GIP: variants seen among roughly 807,000 people sequenced by gnomAD.
GIP encodes the protein gastric inhibitory polypeptide.
GIP carries 16 observed loss-of-function variants against 18.1 expected under a neutral mutation model. The observed-to-expected ratio is 0.88, with a 90% confidence interval of 0.60 to 1.34. The LOEUF (loss-of-function observed/expected upper bound fraction) is 1.34, where lower values mean the gene tolerates loss of function less well. Ranked by LOEUF, GIP falls within the 40% of genes most tolerant of loss-of-function variation. The pLI, the probability that GIP is intolerant of heterozygous loss-of-function variation, is 0.00. For synonymous variants in GIP, 76 were observed against 74.0 expected, an observed-to-expected ratio of 1.03 and a Z score of -0.14; for missense variants, 192 against 183.4, an observed-to-expected ratio of 1.05 and a Z score of -0.27.
chr17:48,963,778 T>C (rs369457961), intron 3 of GIP, among the ~76,000 whole-genome samples: 10 of 114,452 alleles, frequency 8.7e-5, no homozygotes, highest in East Asian at 7.4e-4. Flanking sequence ...AGGGTGGAGG[T>C]TGTAGTGAGC....
intron 2 of GIP, among the ~76,000 whole-genome samples, chr17:48,964,847 A>T (rs1490224375): frequency 2.0e-5 from 3 of 152,174 alleles, no homozygotes; most frequent in Non-Finnish European, 4.4e-5. Flanking sequence ...TACAAAAATT[A>T]GCCAGGCGTT....
chr17:48,964,850 C>G (rs1266541969), intron 2 of GIP, among the ~76,000 whole-genome samples: 1 of 152,140 alleles, frequency 6.6e-6, no homozygotes, highest in Non-Finnish European at 1.5e-5. Flanking sequence ...AAAAATTAGC[C>G]AGGCGTTGGC....
intron 3 of GIP, among the ~76,000 whole-genome samples, 187 bp from the exon 4 acceptor site, chr17:48,962,006 G>A (rs977864118): frequency 1.2e-4 from 18 of 152,330 alleles, no homozygotes; most frequent in Non-Finnish European, 2.5e-4. Flanking sequence ...ACCAGAGAGG[G>A]CGGGGAAAGA....
At chr17:48,958,841 AT>A in intron 5 of GIP, 125 bp from the exon 6 acceptor site, 2 of 625,696 alleles carry the variant, frequency 3.2e-6, no homozygotes, top group Non-Finnish European at 5.4e-6. Context: ...AAATATTTTA[AT>A]TTTTATCAAT....
intron 2 of GIP, among the ~76,000 whole-genome samples, chr17:48,964,865 C>A (rs2041226295): frequency 6.6e-6 from 1 of 151,930 alleles, no homozygotes; most frequent in Non-Finnish European, 1.5e-5. Context: ...GTTGGCAGGG[C>A]GTGGTGGCTT....
chr17:48,965,092 T>C (rs2143851509), intron 2 of GIP, among the ~76,000 whole-genome samples: 1 of 145,602 alleles, frequency 6.9e-6, no homozygotes, highest in African/African-American at 2.6e-5. Context: ...TGAGCTGAGA[T>C]TGCGCCAGTG....
intron 2 of GIP, among the ~76,000 whole-genome samples, chr17:48,964,869 G>A (rs1344389741): frequency 6.6e-6 from 1 of 152,132 alleles, no homozygotes; most frequent in African/African-American, 2.4e-5. Context: ...GCAGGGCGTG[G>A]TGGCTTACGC....
At position 48,967,176 on chromosome 17, in the gene GIP, T is replaced by G. The variant is rs774864505; in HGVS notation, c.57A>C (p.Gly19=). Reference sequence around the variant, plus strand: ...AGTGACCCTCTTTCTTCTCTCCTAGTCCCACTGCCAGGAACAGGGACAGCA... The same window carrying G: ...AGTGACCCTCTTTCTTCTCTCCTAGGCCCACTGCCAGGAACAGGGACAGCA... ...LLLLSLFLAV[G]LGEKKEGHFS... Residue 19 remains glycine, a synonymous_variant, in exon 2 of 6, where the codon GGA becomes GGC. Transcript: ENST00000357424. 2.5e-6 allele frequency: 4 copies of G among 1,613,668 alleles called. No homozygotes were observed. The South Asian group carries it at 4.4e-5, about 18-fold the overall frequency.
intron 1 of GIP, among the ~76,000 whole-genome samples, chr17:48,967,579 C>A (rs1039480685): frequency 1.3e-5 from 2 of 150,562 alleles, no homozygotes; most frequent in Admixed American, 1.3e-4. Flanking sequence ...AGGCTGGTCT[C>A]GAACTCCTGA....
intron 2 of GIP, among the ~76,000 whole-genome samples, chr17:48,965,818 T>C (rs1043918894): frequency 1.3e-5 from 2 of 152,006 alleles, no homozygotes; most frequent in African/African-American, 4.8e-5. Context: ...TCCTATGAGG[T>C]AGGTTCTATT....
chr17:48,958,691 C>T lies in GIP; in HGVS notation c.*16G>A. 3.2e-6 allele frequency: 5 copies of T among 1,579,530 alleles called. No homozygotes were observed. Among genetic ancestry groups the T allele is most frequent in the Non-Finnish European group, 4.3e-6 (5 of 1,162,260 alleles). On this transcript the variant is annotated 3_prime_UTR_variant, in exon 6 of 6. Coordinates refer to ENST00000357424, the MANE Select transcript of GIP (RefSeq NM_004123.3). The stretch of plus-strand genomic sequence containing the variant: ...GTGAAGGGCAGAATCCAGTCCTGAG[C>T]TGGGTGTGGTCAGAGTCACCGAGAC...
At chr17:48,958,856 C>CTTTT in intron 5 of GIP, 140 bp from the exon 6 acceptor site, 9 of 426,410 alleles carry the variant, frequency 2.1e-5, no homozygotes, top group East Asian at 4.4e-5. Flanking sequence ...TATCAATTTA[C>CTTTT]TTTTTTTTTT....
rs190912270 is a variant in GIP at position 48,963,014 on chromosome 17, G to A, written c.258-1195C>T. ...CCCAGCTACTCAGGAGGCTGAGGCA[G>A]GAGAATGACGTGAACCCGGGAGGCG... On this transcript the variant is annotated intron_variant, in intron 3 of 5. Coordinates refer to ENST00000357424, the MANE Select transcript of GIP (RefSeq NM_004123.3). Among the ~76,000 whole-genome samples, 1,155 of 152,180 alleles carry A rather than the reference G, an allele frequency of 7.6e-3. 15 individuals are homozygous for A. Among genetic ancestry groups the A allele is most frequent in the African/African-American group, 0.027 (1,101 of 41,538 alleles).
chr17:48,967,049 G>T, intron 2 of GIP, 98 bp downstream of exon 2: 2 of 895,974 alleles, frequency 2.2e-6, no homozygotes, highest in Admixed American at 1.9e-5. Flanking sequence ...TCTTAGCCTG[G>T]ATTCCTTCCC....
At chr17:48,964,628 C>G in intron 2 of GIP, 148 bp from the exon 3 acceptor site, 2 of 638,010 alleles carry the variant, frequency 3.1e-6, no homozygotes, top group Non-Finnish European at 5.4e-6. Flanking sequence ...CCCCACCCCA[C>G]CCCAGGCTTT....
intron 2 of GIP, among the ~76,000 whole-genome samples, chr17:48,965,378 G>T (rs1235107068): frequency 1.3e-5 from 2 of 150,770 alleles, no homozygotes; most frequent in African/African-American, 4.9e-5. Context: ...GCCAAGGTGG[G>T]TGGATCACAA....
chr17:48,962,864 G>C (rs1420461878), intron 3 of GIP, among the ~76,000 whole-genome samples: 13 of 151,542 alleles, frequency 8.6e-5, no homozygotes, highest in Non-Finnish European at 1.5e-5. Context: ...CAGCACTTTG[G>C]GAGGCCGAGG....
chr17:48,962,643 AGGTGT>A, intron 3 of GIP, among the ~76,000 whole-genome samples: 1 of 152,024 alleles, frequency 6.6e-6, no homozygotes, highest in Non-Finnish European at 1.5e-5. Flanking sequence ...CTGGGATTAC[AGGTGT>A]GAGCTACTGG....
rs747157064 is a variant in GIP at position 48,964,383 on chromosome 17, T to C, written c.184A>G (p.Ser62Gly). 6.2e-7 allele frequency: 1 copy of C among 1,613,778 alleles called. No homozygotes were observed. Among genetic ancestry groups the C allele is most frequent in the East Asian group, 2.2e-5 (1 of 44,864 alleles). ...YAEGTFISDY[S>G]IAMDKIHQQD... ...TGGTGAATCTTGTCCATGGCAATAC[T>C]GTAGTCACTGATGAAAGTCCCTTCC... Residue 62 changes from serine to glycine, a missense_variant, in exon 3 of 6, where the codon AGT becomes GGT. Coordinates refer to ENST00000357424, the MANE Select transcript of GIP (RefSeq NM_004123.3).
Sources: allele counts gnomAD v4.1 joint callset (sites outside exome capture counted in the v4.1 genomes callset), GRCh38; gene constraint gnomAD v4.1.1; transcripts MANE v1.5; gene names NCBI Gene and HGNC (gene_info 2026-07-23, HGNC 2026-07-21).